TACR3: variants seen among roughly 807,000 people sequenced by gnomAD.
TACR3 encodes tachykinin receptor 3.
In TACR3, 34 loss-of-function variants were observed where a neutral mutation model predicts 35.0. That is an observed-to-expected ratio of 0.97 (90% CI 0.74 to 1.30). The LOEUF is 1.30. Ranked by LOEUF, TACR3 falls within the 50% of genes most tolerant of loss-of-function variation. The probability of loss-of-function intolerance (pLI) is 0.00; values close to 1 mark genes in which losing one functional copy is unlikely to be tolerated. For missense variants in TACR3, 558 were observed against 591.7 expected (o/e 0.94, Z 0.59); for synonymous variants, 233 against 221.1 (o/e 1.05, Z -0.48).
At chr4:103,608,290 A>G (rs1300776942) in intron 3 of TACR3, among the ~76,000 whole-genome samples, 1 of 152,092 alleles carries the variant, frequency 6.6e-6, no homozygotes, top group East Asian at 1.9e-4. Context: ...ATAATCCTCA[A>G]TGAATTAAAA....
chr4:103,594,700 A>G (rs927376001), intron 3 of TACR3, among the ~76,000 whole-genome samples: 2 of 152,190 alleles, frequency 1.3e-5, no homozygotes, highest in African/African-American at 4.8e-5. Flanking sequence ...CATAGTGCAA[A>G]AAGTTCAGAA....
intron 3 of TACR3, among the ~76,000 whole-genome samples, chr4:103,594,681 T>G (rs971391228): frequency 7.2e-5 from 11 of 152,106 alleles, no homozygotes; most frequent in South Asian, 6.2e-4. Flanking sequence ...TTAGATAAAT[T>G]TCAATTTTCA....
At chr4:103,658,118 G>T in intron 2 of TACR3, 97 bp downstream of exon 2, 1 of 1,204,348 alleles carries the variant, frequency 8.3e-7, no homozygotes, top group East Asian at 2.4e-5. Flanking sequence ...ATGAACCCTG[G>T]GGGAAATGTC....
At chr4:103,657,829 G>C (rs1002386517) in intron 2 of TACR3, among the ~76,000 whole-genome samples, 8 of 151,980 alleles carry the variant, frequency 5.3e-5, no homozygotes, top group African/African-American at 1.7e-4. Context: ...AACCTACTAG[G>C]GTGCTCCTTC....
intron 1 of TACR3, among the ~76,000 whole-genome samples, chr4:103,684,445 A>G (rs903704520): frequency 6.6e-6 from 1 of 152,160 alleles, no homozygotes; most frequent in Non-Finnish European, 1.5e-5. Context: ...CTAAATTTTA[A>G]AAAGCTACCA....
intron 3 of TACR3, among the ~76,000 whole-genome samples, chr4:103,609,455 CT>C (rs1724465771): frequency 6.6e-6 from 1 of 151,776 alleles, no homozygotes; most frequent in African/African-American, 2.4e-5. Flanking sequence ...TACATTTGGT[CT>C]TTTATTTTTA....
At chr4:103,629,864 A>C (rs1441622923) in intron 3 of TACR3, among the ~76,000 whole-genome samples, 1,212 of 116,460 alleles carry the variant, frequency 0.01, 14 homozygotes, top group South Asian at 0.033. Flanking sequence ...AAAAAAACAA[A>C]AAAAAAACAA....
intron 1 of TACR3, among the ~76,000 whole-genome samples, chr4:103,664,810 TC>T (rs1353695871): frequency 6.6e-6 from 1 of 152,104 alleles, no homozygotes; most frequent in Non-Finnish European, 1.5e-5. Flanking sequence ...CCTTTTCTAT[TC>T]TTTGTTTGTT....
rs552552706 is a variant in TACR3, at chr4:103,694,086, T to A, written c.548+25042A>T. 2.5e-3 allele frequency among the ~76,000 whole-genome samples: 381 copies of A among 152,256 alleles called. 3 individuals are homozygous for A. The highest frequency in any genetic ancestry group is 4.6e-3 in the South Asian group (22 of 4,828). Reference sequence around the variant, plus strand: ...AAATTTTTTTCTTTCTTTTTTCTCCTTTCCTCCTAGTCTCAAGACTTGAAG... The same window carrying A: ...AAATTTTTTTCTTTCTTTTTTCTCCATTCCTCCTAGTCTCAAGACTTGAAG... On this transcript the variant is annotated intron_variant, in intron 1 of 4. Transcript: ENST00000304883.
Position 103,586,501 on chromosome 4 carries a change from A to C in TACR3, c.*3181T>G, listed in dbSNP as rs1723774520. 1 of 152,130 alleles carries C rather than the reference A, an allele frequency of 6.6e-6. No individual in the cohort carries two copies. Among genetic ancestry groups the C allele is most frequent in the Admixed American group, 6.6e-5 (1 of 15,236 alleles). 9.4% of individuals were successfully genotyped at this position (152,130 alleles called of 1,614,324 possible). A position where few individuals can be genotyped will look rare whatever the true frequency, so the allele number is the denominator to read the frequency against. On this transcript the variant is annotated 3_prime_UTR_variant, in exon 5 of 5. Coordinates refer to ENST00000304883, the MANE Select transcript of TACR3 (RefSeq NM_001059.3). ...TTTTTAGAGGAAATTTTGCATTTGC[A>C]AAAACTAAATTCAAATGTTGAGCTG... is the stretch of plus-strand genomic sequence containing the variant.
At chr4:103,610,975 G>A (rs963524983) in intron 3 of TACR3, among the ~76,000 whole-genome samples, 1 of 151,986 alleles carries the variant, frequency 6.6e-6, no homozygotes, top group Non-Finnish European at 1.5e-5. Flanking sequence ...CTGTTCCATC[G>A]GTATATGTGT....
At chr4:103,700,318 T>C (rs973770606) in intron 1 of TACR3, among the ~76,000 whole-genome samples, 3 of 152,204 alleles carry the variant, frequency 2.0e-5, no homozygotes, top group Non-Finnish European at 4.4e-5. Flanking sequence ...GGGCCCACTG[T>C]TGATTAGTGA....
At chr4:103,606,220 T>A in intron 3 of TACR3, among the ~76,000 whole-genome samples, 1 of 151,966 alleles carries the variant, frequency 6.6e-6, no homozygotes, top group Non-Finnish European at 1.5e-5. Context: ...CTGTTTTGGT[T>A]ACTGTAGCCT....
At chr4:103,712,967 A>G (rs904490537) in intron 1 of TACR3, among the ~76,000 whole-genome samples, 1 of 152,246 alleles carries the variant, frequency 6.6e-6, no homozygotes, top group African/African-American at 2.4e-5. Flanking sequence ...TTAAAAAGTC[A>G]GGAAACAACC....
At chr4:103,594,464 A>C (rs369715899) in intron 3 of TACR3, among the ~76,000 whole-genome samples, 3 of 152,216 alleles carry the variant, frequency 2.0e-5, no homozygotes, top group African/African-American at 7.2e-5. Context: ...GGTGTGAGAC[A>C]CTGCACCCGG....
chr4:103,650,540 T>G (rs1413496503), intron 3 of TACR3, among the ~76,000 whole-genome samples: 2 of 128,612 alleles, frequency 1.6e-5, no homozygotes, highest in Non-Finnish European at 3.2e-5. Flanking sequence ...TATATATAAA[T>G]ATATAAAATA....
chr4:103,591,470 C>A lies in TACR3; in HGVS notation c.1085+17G>T. 1 of 1,613,320 alleles carries A rather than the reference C, an allele frequency of 6.2e-7. No individual in the cohort carries two copies. The highest frequency in any genetic ancestry group is 1.1e-5 in the South Asian group (1 of 91,068). The stretch of plus-strand genomic sequence containing the variant: ...TGGGTGTGACAAGCAACTTGCATTT[C>A]GTAGTTTTGTTTTTACCTTTTATTC... On this transcript the variant is annotated intron_variant, in intron 4 of 4. Coordinates refer to ENST00000304883, the MANE Select transcript of TACR3 (RefSeq NM_001059.3).
chr4:103,692,301 CAT>C (rs2110217626), intron 1 of TACR3, among the ~76,000 whole-genome samples: 1 of 152,076 alleles, frequency 6.6e-6, no homozygotes, highest in African/African-American at 2.4e-5. Context: ...GACTTAAAGA[CAT>C]GTATTATTAA....
At chr4:103,701,299 A>G (rs1388631978) in intron 1 of TACR3, among the ~76,000 whole-genome samples, 1 of 151,724 alleles carries the variant, frequency 6.6e-6, no homozygotes, top group African/African-American at 2.4e-5. Context: ...CCCATTCACA[A>G]TTGCTTCAAA....
Sources: allele counts gnomAD v4.1 joint callset (sites outside exome capture counted in the v4.1 genomes callset), GRCh38; gene constraint gnomAD v4.1.1; transcripts MANE v1.5; gene names NCBI Gene and HGNC (gene_info 2026-07-23, HGNC 2026-07-21).